Variants in VMP1 observed in about 807,000 individuals in gnomAD.
The protein encoded by VMP1 is vacuole membrane protein 1.
A neutral mutation model predicts 56.0 loss-of-function variants in VMP1; 11 were observed. That is an observed-to-expected ratio of 0.20 (90% CI 0.12 to 0.32). The LOEUF (loss-of-function observed/expected upper bound fraction) is 0.32. Among genes scored for constraint, VMP1 ranks in the 10% least tolerant of loss-of-function variants. The pLI, the probability that VMP1 is intolerant of heterozygous loss-of-function variation, is 1.00. For missense variants in VMP1, 296 were observed against 490.3 expected, an observed-to-expected ratio of 0.60 and a Z score of 3.74; for synonymous variants, 149 against 165.0, an observed-to-expected ratio of 0.90 and a Z score of 0.74.
At chr17:59,827,786 G>GA (rs1235321061) in intron 10 of VMP1, among the ~76,000 whole-genome samples, 2 of 151,740 alleles carry the variant, frequency 1.3e-5, no homozygotes, top group Non-Finnish European at 2.9e-5. Flanking sequence ...CCCATCTCTT[G>GA]AAAAAAATTT....
At chr17:59,773,620 A>G in intron 6 of VMP1, 134 bp from the exon 7 acceptor site, 1 of 786,884 alleles carries the variant, frequency 1.3e-6, no homozygotes, top group South Asian at 2.4e-5. Context: ...TATTTTGATT[A>G]TGTAGCATAT....
intron 7 of VMP1, among the ~76,000 whole-genome samples, chr17:59,789,536 A>C (rs1216786598): frequency 6.6e-6 from 1 of 152,078 alleles, no homozygotes; most frequent in Non-Finnish European, 1.5e-5. Context: ...CTCAAAAAAA[A>C]AAAGGCCCTG....
intron 7 of VMP1, among the ~76,000 whole-genome samples, chr17:59,802,237 G>A (rs531465701): frequency 6.6e-6 from 1 of 151,850 alleles, no homozygotes; most frequent in South Asian, 2.1e-4. Flanking sequence ...ATAAAAACAT[G>A]TTTAGATACA....
At chr17:59,790,219 G>C (rs952627135) in intron 7 of VMP1, among the ~76,000 whole-genome samples, 1 of 151,960 alleles carries the variant, frequency 6.6e-6, no homozygotes. Context: ...TGCTATCTCA[G>C]GTCTTACAAC....
intron 5 of VMP1, among the ~76,000 whole-genome samples, chr17:59,751,412 A>G (rs1030749569): frequency 1.3e-5 from 2 of 151,998 alleles, no homozygotes; most frequent in Non-Finnish European, 2.9e-5. Flanking sequence ...GTTCATCTCT[A>G]TGCAGCCAGT....
rs1455633497 is a variant in VMP1 at position 59,735,384 on chromosome 17, G to A, written c.123G>A (p.Arg41=). The stretch of plus-strand genomic sequence containing the variant: ...AGAAGAGGAGGGAGCGGGAAGAAAG[G>A]CAGAATATTGTCCTGTGGAGACAGC... The part of the protein sequence containing the change: ...NEKKRREREE[R]QNIVLWRQPL... Residue 41 remains arginine, a synonymous_variant, in exon 3 of 12, where the codon AGG becomes AGA. Coordinates refer to ENST00000262291, the MANE Select transcript of VMP1 (RefSeq NM_030938.5). The A allele has an allele frequency of 1.2e-6, 2 of 1,614,100 alleles. No individual in the cohort carries two copies. The highest frequency in any genetic ancestry group is 1.1e-5 in the South Asian group (1 of 91,080).
At chr17:59,713,946 C>T (rs1054578076) in intron 1 of VMP1, among the ~76,000 whole-genome samples, 3 of 148,078 alleles carry the variant, frequency 2.0e-5, no homozygotes, top group African/African-American at 7.5e-5. Flanking sequence ...GAGGCTGAGG[C>T]ATTAGAATCG....
chr17:59,762,472 T>A (rs1466868686), intron 5 of VMP1, among the ~76,000 whole-genome samples: 2 of 152,310 alleles, frequency 1.3e-5, no homozygotes, highest in East Asian at 1.9e-4. Context: ...TAATCAAAAA[T>A]TTTTTTATTT....
chr17:59,721,200 G>A (rs1455383909), intron 1 of VMP1, among the ~76,000 whole-genome samples: 3 of 151,956 alleles, frequency 2.0e-5, no homozygotes, highest in Non-Finnish European at 4.4e-5. Flanking sequence ...ACAAAAATTA[G>A]CTGGGTGTGG....
intron 9 of VMP1, among the ~76,000 whole-genome samples, chr17:59,814,290 T>C (rs1424160719): frequency 6.6e-6 from 1 of 152,206 alleles, no homozygotes; most frequent in Admixed American, 6.6e-5. Context: ...GAGTGATTTT[T>C]TTATGGAACT....
chr17:59,772,950 C>CTTTTTTTTTTTT lies in VMP1; in HGVS notation c.583-785_583-774dup, dbSNP rs1179269248. 5.2e-4 allele frequency among the ~76,000 whole-genome samples: 29 copies of CTTTTTTTTTTTT among 55,718 alleles called. 8 individuals carry two copies. Among genetic ancestry groups the CTTTTTTTTTTTT allele is most frequent in the African/African-American group, 1.6e-3 (21 of 12,784 alleles). The allele number at this position is 55,718 out of a possible 152,430, so 36.6% of individuals were successfully genotyped here. On this transcript the variant is annotated intron_variant, in intron 6 of 11. Coordinates refer to ENST00000262291, the MANE Select transcript of VMP1 (RefSeq NM_030938.5). ...TATCTAACACATATACTGGTGAATTCTTTTTTTTTTTTTTTTTTTTTTTTT... is the reference window on the plus strand; with the variant it reads ...TATCTAACACATATACTGGTGAATTCTTTTTTTTTTTTTTTTTTTTTTTTTTTTTTTTTTTTT...
chr17:59,790,595 G>A (rs1175605341), intron 7 of VMP1, among the ~76,000 whole-genome samples: 1 of 152,118 alleles, frequency 6.6e-6, no homozygotes, highest in East Asian at 1.9e-4. Flanking sequence ...TTTGAGACTA[G>A]CCTGGCCAAC....
chr17:59,823,676 G>A (rs749768147), intron 10 of VMP1, among the ~76,000 whole-genome samples: 1 of 151,920 alleles, frequency 6.6e-6, no homozygotes, highest in African/African-American at 2.4e-5. Flanking sequence ...ACGTGAACCC[G>A]GGAGGCGGAT....
At chr17:59,744,537 C>T (rs1598326662) in intron 5 of VMP1, among the ~76,000 whole-genome samples, 1 of 147,404 alleles carries the variant, frequency 6.8e-6, no homozygotes, top group Non-Finnish European at 1.5e-5. Flanking sequence ...TGCCTGTAGT[C>T]TCAGCACTTT....
At chr17:59,763,111 G>A (rs1370631764) in intron 5 of VMP1, among the ~76,000 whole-genome samples, 1 of 151,372 alleles carries the variant, frequency 6.6e-6, no homozygotes, top group Non-Finnish European at 1.5e-5. Context: ...TGTCTCTTTT[G>A]TGTTTTCTAA....
At chr17:59,775,577 C>T (rs931793712) in intron 7 of VMP1, among the ~76,000 whole-genome samples, 2 of 152,110 alleles carry the variant, frequency 1.3e-5, no homozygotes, top group Non-Finnish European at 2.9e-5. Context: ...CCACCCTGGC[C>T]TCCCAAAATG....
At chr17:59,766,266 G>T (rs569326668) in intron 6 of VMP1, among the ~76,000 whole-genome samples, 1 of 152,042 alleles carries the variant, frequency 6.6e-6, no homozygotes, top group Non-Finnish European at 1.5e-5. Flanking sequence ...CACTTTGGGC[G>T]GCCAAGGCAG....
At chr17:59,809,632 A>G (rs62081789) in intron 8 of VMP1, among the ~76,000 whole-genome samples, 5 of 145,748 alleles carry the variant, frequency 3.4e-5, no homozygotes, top group South Asian at 2.2e-4. Flanking sequence ...TCAGCCTCCC[A>G]AGTAGCTGGG....
chr17:59,777,902 C>G (rs1341594503), intron 7 of VMP1, among the ~76,000 whole-genome samples: 1 of 152,078 alleles, frequency 6.6e-6, no homozygotes, highest in Non-Finnish European at 1.5e-5. Flanking sequence ...AAACTTGTTC[C>G]TTAGTTTGGG....
Sources: allele counts gnomAD v4.1 joint callset (sites outside exome capture counted in the v4.1 genomes callset), GRCh38; gene constraint gnomAD v4.1.1; transcripts MANE v1.5; gene names NCBI Gene and HGNC (gene_info 2026-07-23, HGNC 2026-07-21).